The following WDR70 variants were observed in gnomAD, a reference collection of about 807,000 sequenced individuals.
WDR70 encodes the protein WD repeat-containing protein 70.
A neutral mutation model predicts 88.6 loss-of-function variants in WDR70; 53 were observed. The observed-to-expected ratio is 0.60, with a 90% confidence interval of 0.48 to 0.75. WDR70 has a LOEUF of 0.75. Among genes scored for constraint, WDR70 ranks in the 30% least tolerant of loss-of-function variants. The pLI is 0.00. For missense variants in WDR70, 610 were observed against 823.2 expected (o/e 0.74, Z 3.17); for synonymous variants, 280 against 270.0 (o/e 1.04, Z -0.36).
At chr5:37,562,760 G>A (rs972142015) in intron 9 of WDR70, among the ~76,000 whole-genome samples, 10 of 152,028 alleles carry the variant, frequency 6.6e-5, no homozygotes, top group African/African-American at 2.2e-4. Flanking sequence ...GCACAGGGTT[G>A]GGGGTAAGGT....
At chr5:37,425,458 C>T (rs1319290795) in intron 5 of WDR70, among the ~76,000 whole-genome samples, 1 of 152,096 alleles carries the variant, frequency 6.6e-6, no homozygotes, top group Non-Finnish European at 1.5e-5. Context: ...ATGTAGATAT[C>T]TGGGAGAATG....
intron 13 of WDR70, among the ~76,000 whole-genome samples, chr5:37,713,466 A>G (rs2112681774): frequency 6.6e-6 from 1 of 152,188 alleles, no homozygotes; most frequent in South Asian, 2.1e-4. Context: ...TCTACACAAA[A>G]GTTTGATATT....
chr5:37,470,166 C>A (rs1042165255), intron 7 of WDR70, among the ~76,000 whole-genome samples: 3 of 151,074 alleles, frequency 2.0e-5, no homozygotes, highest in African/African-American at 4.9e-5. Context: ...TAAACCCAAA[C>A]CCCTCAAACA....
intron 5 of WDR70, among the ~76,000 whole-genome samples, chr5:37,410,771 C>T (rs1033308332): frequency 6.6e-6 from 1 of 152,158 alleles, no homozygotes; most frequent in Non-Finnish European, 1.5e-5. Flanking sequence ...CTTTATGACA[C>T]ATAGCCCTTA....
At chr5:37,506,149 A>G (rs1194483342) in intron 8 of WDR70, 1 of 1,065,994 alleles carries the variant, frequency 9.4e-7, no homozygotes, top group Admixed American at 1.7e-5. Context: ...AAGTTAATGT[A>G]TCGAAGGTCC....
At chr5:37,450,637 G>A (rs576261926) in intron 7 of WDR70, among the ~76,000 whole-genome samples, 1 of 152,212 alleles carries the variant, frequency 6.6e-6, no homozygotes, top group South Asian at 2.1e-4. Flanking sequence ...TTGTACCTGT[G>A]TTCCAATTTA....
At chr5:37,609,632 G>A (rs1426812019) in intron 10 of WDR70, among the ~76,000 whole-genome samples, 1 of 152,196 alleles carries the variant, frequency 6.6e-6, no homozygotes, top group Non-Finnish European at 1.5e-5. Flanking sequence ...CTTGACCCCT[G>A]CTCTATCTGA....
At chr5:37,421,216 C>T (rs1235133816) in intron 5 of WDR70, among the ~76,000 whole-genome samples, 1 of 152,192 alleles carries the variant, frequency 6.6e-6, no homozygotes, top group Non-Finnish European at 1.5e-5. Flanking sequence ...CCATTATGCC[C>T]TACTACACTA....
At chr5:37,444,106 G>A (rs958107077) in intron 7 of WDR70, among the ~76,000 whole-genome samples, 1 of 151,444 alleles carries the variant, frequency 6.6e-6, no homozygotes, top group African/African-American at 2.4e-5. Flanking sequence ...CCAGGATTGC[G>A]CCACTGCACT....
chr5:37,513,700 A>G (rs1740791602), intron 8 of WDR70, among the ~76,000 whole-genome samples: 1 of 152,148 alleles, frequency 6.6e-6, no homozygotes, highest in South Asian at 2.1e-4. Flanking sequence ...GAGGGCAGGA[A>G]ACATCCAGCA....
At chr5:37,701,792 A>G (rs1200842544) in intron 12 of WDR70, among the ~76,000 whole-genome samples, 2 of 151,824 alleles carry the variant, frequency 1.3e-5, no homozygotes, top group Non-Finnish European at 2.9e-5. Context: ...TCTCAAAAAA[A>G]AAAAAAAAAA....
chr5:37,547,447 A>G (rs1424568367), intron 9 of WDR70, among the ~76,000 whole-genome samples: 1 of 152,112 alleles, frequency 6.6e-6, no homozygotes, highest in Non-Finnish European at 1.5e-5. Context: ...TTATTTGTAT[A>G]CTATTTCTAA....
chr5:37,716,870 A>T (rs1747668170), intron 13 of WDR70, among the ~76,000 whole-genome samples: 1 of 152,082 alleles, frequency 6.6e-6, no homozygotes, highest in Admixed American at 6.6e-5. Context: ...ACTTTTGCTA[A>T]GGGGTAATTC....
intron 9 of WDR70, among the ~76,000 whole-genome samples, chr5:37,536,386 G>T (rs1741668883): frequency 6.6e-6 from 1 of 151,982 alleles, no homozygotes; most frequent in South Asian, 2.1e-4. Context: ...TTAAAATAAA[G>T]AAATTTTATT....
intron 8 of WDR70, chr5:37,505,886 G>A: frequency 3.0e-6 from 4 of 1,335,364 alleles, no homozygotes; most frequent in Non-Finnish European, 4.3e-6. Flanking sequence ...CCACTCTCAA[G>A]TTAATTCCTG....
At chr5:37,600,120 G>A (rs1430984625) in intron 9 of WDR70, among the ~76,000 whole-genome samples, 2 of 152,140 alleles carry the variant, frequency 1.3e-5, no homozygotes, top group East Asian at 3.9e-4. Flanking sequence ...AAAAGTTTAT[G>A]CACTTCAAAA....
At chr5:37,463,066 G>C (rs1010422144) in intron 7 of WDR70, among the ~76,000 whole-genome samples, 2 of 152,046 alleles carry the variant, frequency 1.3e-5, no homozygotes, top group Non-Finnish European at 2.9e-5. Flanking sequence ...GAGGTCAGGA[G>C]TTTGAGACCA....
In WDR70 at chr5:37,524,614, C is replaced by G. The variant is rs1180170242; in HGVS notation, c.917+8024C>G. 2.6e-5 allele frequency among the ~76,000 whole-genome samples: 4 copies of G among 152,178 alleles called. No individual in the cohort carries two copies. The East Asian group carries it at 7.7e-4, about 29-fold the overall frequency. On this transcript the variant is annotated intron_variant, in intron 9 of 17. Transcript: ENST00000265107. ...CCAGCTAACATCATAATGACAGGATCAAATTCACACATAGCAATATTAACC... is the reference window on the plus strand; with the variant it reads ...CCAGCTAACATCATAATGACAGGATGAAATTCACACATAGCAATATTAACC...
chr5:37,573,401 T>G lies in WDR70; in HGVS notation c.918-31663T>G, dbSNP rs184329795. Among the ~76,000 whole-genome samples the G allele has an allele frequency of 2.6e-5, 4 of 152,252 alleles. No homozygotes were observed. The East Asian group carries it at 7.7e-4, about 29-fold the overall frequency. ...GCCTCTTTTTTTTTCTTATGATACT[T>G]TATGTTTTAGGGTACATGTGCACAA... On this transcript the variant is annotated intron_variant, in intron 9 of 17. Coordinates refer to ENST00000265107, the MANE Select transcript of WDR70 (RefSeq NM_018034.4).
Sources: gnomAD v4.1 joint callset for allele counts (sites outside exome capture counted in the v4.1 genomes callset) on GRCh38, gnomAD v4.1.1 for gene constraint, MANE v1.5 for transcripts, NCBI Gene and HGNC (gene_info 2026-07-23, HGNC 2026-07-21) for gene names.